Variants in TYW1 observed in about 807,000 individuals in gnomAD.
TYW1 encodes the protein S-adenosyl-L-methionine-dependent tRNA 4-demethylwyosine synthase TYW1.
TYW1 carries 46 observed loss-of-function variants against 96.2 expected under a neutral mutation model. That is an observed-to-expected ratio of 0.48 (90% CI 0.38 to 0.61). The LOEUF is 0.61. Among genes scored for constraint, TYW1 ranks in the 20% least tolerant of loss-of-function variants. The pLI is 0.00. For missense variants in TYW1, 684 were observed against 909.6 expected, an observed-to-expected ratio of 0.75 and a Z score of 3.19; for synonymous variants, 274 against 323.0, an observed-to-expected ratio of 0.85 and a Z score of 1.63.
intron 10 of TYW1, among the ~76,000 whole-genome samples, chr7:67,069,939 C>T (rs551691579): frequency 7.6e-4 from 115 of 152,300 alleles, no homozygotes; most frequent in African/African-American, 2.6e-3. Flanking sequence ...AGTGAACTCC[C>T]TCAGCCTTTA....
At chr7:67,135,302 G>GTTTTTGTTTTTTTTTTT (rs1285318169) in intron 13 of TYW1, among the ~76,000 whole-genome samples, 1 of 111,814 alleles carries the variant, frequency 8.9e-6, no homozygotes, top group African/African-American at 3.8e-5. Context: ...TGTTAAAACA[G>GTTTTTGTTTTTTTTTTT]TTTTTTTTTT....
At chr7:67,170,808 A>T (rs1388981182) in intron 13 of TYW1, among the ~76,000 whole-genome samples, 4 of 152,224 alleles carry the variant, frequency 2.6e-5, no homozygotes, top group Admixed American at 2.6e-4. Context: ...GTAATAATGT[A>T]AAATATTTTA....
chr7:67,189,240 G>A (rs1800123981), intron 14 of TYW1, among the ~76,000 whole-genome samples: 1 of 152,154 alleles, frequency 6.6e-6, no homozygotes, highest in Non-Finnish European at 1.5e-5. Flanking sequence ...GTGGCGTCAT[G>A]GCCAGGCATG....
intron 7 of TYW1, 87 bp from the exon 8 acceptor site, chr7:67,049,862 T>A: frequency 3.3e-6 from 5 of 1,534,620 alleles, no homozygotes; most frequent in Non-Finnish European, 3.6e-6. Context: ...ATGGACCTTT[T>A]TATTGATGCT....
At chr7:67,169,969 A>C (rs965885297) in intron 13 of TYW1, among the ~76,000 whole-genome samples, 2 of 151,868 alleles carry the variant, frequency 1.3e-5, no homozygotes, top group African/African-American at 4.8e-5. Context: ...AACTTTGAAA[A>C]GTCCATTGTA....
chr7:67,225,190 CAAAAAAAAAAAAAA>C, intron 15 of TYW1, among the ~76,000 whole-genome samples: 1 of 78,060 alleles, frequency 1.3e-5, no homozygotes, highest in South Asian at 4.0e-4. Flanking sequence ...GACTCCGTCT[CAAAAAAAAAAAAAA>C]AAAAAAAAAA....
chr7:67,067,109 C>T, intron 9 of TYW1, 176 bp from the exon 10 acceptor site: 1 of 679,878 alleles, frequency 1.5e-6, no homozygotes, highest in Non-Finnish European at 2.5e-6. Context: ...TAGTAAAAAC[C>T]CAAAGCACTG....
intron 7 of TYW1, among the ~76,000 whole-genome samples, chr7:67,027,895 A>G (rs1314514622): frequency 6.9e-6 from 1 of 144,508 alleles, no homozygotes; most frequent in African/African-American, 2.6e-5. Context: ...GCGCCACTGC[A>G]CTCCAGCCTG....
chr7:67,111,755 G>A (rs1391906177), intron 12 of TYW1, among the ~76,000 whole-genome samples: 1 of 152,142 alleles, frequency 6.6e-6, no homozygotes, highest in Non-Finnish European at 1.5e-5. Flanking sequence ...TAAATAACCA[G>A]AATATCAAAG....
At chr7:67,222,313 C>T (rs1466487498) in intron 15 of TYW1, among the ~76,000 whole-genome samples, 3 of 152,196 alleles carry the variant, frequency 2.0e-5, no homozygotes, top group Non-Finnish European at 4.4e-5. Context: ...CATGCAGCTT[C>T]AAATTACTGT....
intron 13 of TYW1, among the ~76,000 whole-genome samples, chr7:67,135,025 G>A (rs562580997): frequency 7.3e-5 from 11 of 151,516 alleles, no homozygotes; most frequent in South Asian, 2.1e-4. Flanking sequence ...GGAGGCTGAG[G>A]TGGGAGGATC....
At chr7:67,103,369 T>A (rs1279423061) in intron 12 of TYW1, among the ~76,000 whole-genome samples, 1 of 152,150 alleles carries the variant, frequency 6.6e-6, no homozygotes, top group African/African-American at 2.4e-5. Context: ...ATTTTCCCAA[T>A]GAAAGATTTG....
Position 67,181,223 on chromosome 7 carries a change from C to T in TYW1, c.1699-1903C>T, listed in dbSNP as rs539925829. Among the ~76,000 whole-genome samples, 6 of 152,104 alleles carry T rather than the reference C, an allele frequency of 3.9e-5. No homozygotes were observed. In the South Asian group the frequency reaches 6.2e-4, roughly 16 times the overall value. On this transcript the variant is annotated intron_variant, in intron 13 of 15. Coordinates refer to ENST00000359626, the MANE Select transcript of TYW1 (RefSeq NM_018264.4). Reference sequence around the variant, plus strand: ...TAATATTGAATTGTTTTTGCATTCCCGGAATTTTTAACAAAATGCTGAATT... The same window carrying T: ...TAATATTGAATTGTTTTTGCATTCCTGGAATTTTTAACAAAATGCTGAATT...
intron 15 of TYW1, among the ~76,000 whole-genome samples, chr7:67,201,392 A>G (rs1800595372): frequency 6.9e-6 from 1 of 144,490 alleles, no homozygotes; most frequent in Non-Finnish European, 1.5e-5. Flanking sequence ...CCTCAGGTCT[A>G]GCAATCTGAG....
chr7:67,119,352 C>T (rs927788499), intron 13 of TYW1, among the ~76,000 whole-genome samples: 3 of 152,046 alleles, frequency 2.0e-5, no homozygotes, highest in South Asian at 4.1e-4. Flanking sequence ...CTGTGCCCAG[C>T]GCTTACTTTG....
intron 10 of TYW1, among the ~76,000 whole-genome samples, chr7:67,077,249 T>G (rs1321414966): frequency 6.6e-6 from 1 of 152,234 alleles, no homozygotes. Flanking sequence ...TCCTTTCCTT[T>G]GGATGTATAT....
intron 11 of TYW1, among the ~76,000 whole-genome samples, chr7:67,095,398 A>G (rs1796867700): frequency 1.3e-5 from 2 of 148,360 alleles, no homozygotes; most frequent in Admixed American, 6.8e-5. Flanking sequence ...AATAAACCCT[A>G]TGTCTTGGCT....
chr7:67,004,050 A>G (rs1793488436), intron 3 of TYW1, among the ~76,000 whole-genome samples: 1 of 149,540 alleles, frequency 6.7e-6, no homozygotes, highest in Admixed American at 6.7e-5. Context: ...TCTCAAAAAA[A>G]ACAAAAAACA....
intron 15 of TYW1, among the ~76,000 whole-genome samples, chr7:67,204,839 C>T (rs188497045): frequency 9.9e-4 from 150 of 152,118 alleles, no homozygotes; most frequent in African/African-American, 3.4e-3. Context: ...AGTGATCCAC[C>T]CACCTCCACC....
Sources: gnomAD v4.1 joint callset for allele counts (sites outside exome capture counted in the v4.1 genomes callset) on GRCh38, gnomAD v4.1.1 for gene constraint, MANE v1.5 for transcripts, NCBI Gene and HGNC (gene_info 2026-07-23, HGNC 2026-07-21) for gene names.